MYO1B: variants seen among roughly 807,000 people sequenced by gnomAD.
MYO1B encodes unconventional myosin-Ib.
MYO1B carries 72 observed loss-of-function variants against 159.7 expected under a neutral mutation model. That is an observed-to-expected ratio of 0.45 (90% CI 0.37 to 0.55). The LOEUF (loss-of-function observed/expected upper bound fraction) is 0.55. Ranked by LOEUF, MYO1B falls within the 20% of genes least tolerant of loss-of-function variation. MYO1B has a pLI of 0.00. For missense variants in MYO1B, 1,062 were observed against 1,364.8 expected, an observed-to-expected ratio of 0.78 and a Z score of 3.50; for synonymous variants, 468 against 473.8, an observed-to-expected ratio of 0.99 and a Z score of 0.16.
At chr2:191,413,195 GAAGTTGAAAATATCAT>G (rs1006230402) in intron 27 of MYO1B, among the ~76,000 whole-genome samples, 16 of 152,308 alleles carry the variant, frequency 1.1e-4, no homozygotes, top group Admixed American at 6.5e-4. Flanking sequence ...TATGTCATAT[GAAGTTGAAAATATCAT>G]AAGTTGAAAA....
chr2:191,264,650 C>A (rs531894461), intron 1 of MYO1B, among the ~76,000 whole-genome samples: 2 of 152,124 alleles, frequency 1.3e-5, no homozygotes, highest in African/African-American at 4.8e-5. Context: ...TGGTTGCACT[C>A]TTAATATATT....
chr2:191,335,518 C>T (rs900609669), intron 4 of MYO1B, among the ~76,000 whole-genome samples: 2 of 152,036 alleles, frequency 1.3e-5, no homozygotes, highest in Non-Finnish European at 2.9e-5. Flanking sequence ...GTGGGGGTTT[C>T]ATCTCAGTTT....
intron 20 of MYO1B, 78 bp from the exon 21 acceptor site, chr2:191,396,351 C>CA: frequency 6.8e-7 from 1 of 1,471,278 alleles, no homozygotes; most frequent in South Asian, 1.1e-5. Flanking sequence ...ACGAAGTGAG[C>CA]AAATACCCTT....
intron 2 of MYO1B, among the ~76,000 whole-genome samples, chr2:191,287,265 C>T (rs6736071): frequency 0.53 from 80,539 of 151,822 alleles, 22,065 homozygotes; most frequent in East Asian, 0.66. Context: ...CGGTGGCTCA[C>T]GCCTGCAATC....
chr2:191,269,087 C>T (rs1360007345), intron 1 of MYO1B, among the ~76,000 whole-genome samples: 2 of 152,114 alleles, frequency 1.3e-5, no homozygotes, highest in Admixed American at 6.5e-5. Context: ...ACTGCTGTGC[C>T]GCCATCACCA....
At chr2:191,345,558 C>T (rs558803090) in intron 5 of MYO1B, among the ~76,000 whole-genome samples, 9 of 152,138 alleles carry the variant, frequency 5.9e-5, no homozygotes, top group Non-Finnish European at 1.2e-4. Flanking sequence ...GATTTGTCTC[C>T]AGGAAACAGC....
rs368679256 is a variant in MYO1B at position 191,424,335 on chromosome 2, A to ACT, written c.*378_*379dup. ...TTCATCAGATATTTATTCCATGCCT[A>ACT]CTCTATGCTAGGCACTGTGCTAGAT... On this transcript the variant is annotated 3_prime_UTR_variant, in exon 31 of 31. Transcript: ENST00000392318. The ACT allele has an allele frequency of 5.8e-3, 1,070 of 184,592 alleles. 9 individuals are homozygous for ACT. Among genetic ancestry groups the ACT allele is most frequent in the African/African-American group, 0.024 (1,028 of 42,578 alleles). The allele number at this position is 184,592 out of a possible 1,614,324, so 11.4% of individuals were successfully genotyped here. A position where few individuals can be genotyped will look rare whatever the true frequency, so the allele number is the denominator to read the frequency against.
intron 12 of MYO1B, 67 bp from the exon 13 acceptor site, chr2:191,370,160 T>G: frequency 2.0e-6 from 2 of 980,394 alleles, no homozygotes; most frequent in Non-Finnish European, 3.2e-6. Context: ...TATATCTATG[T>G]TCCTTGGATG....
intron 1 of MYO1B, among the ~76,000 whole-genome samples, chr2:191,251,566 C>T (rs1392871230): frequency 6.6e-6 from 1 of 152,190 alleles, no homozygotes; most frequent in Non-Finnish European, 1.5e-5. Flanking sequence ...CAGTCCAATT[C>T]TTCCTGGACT....
chr2:191,261,131 CTT>C (rs1264593833), intron 1 of MYO1B, among the ~76,000 whole-genome samples: 2 of 152,162 alleles, frequency 1.3e-5, no homozygotes, highest in Non-Finnish European at 2.9e-5. Flanking sequence ...GTAGTGTGCT[CTT>C]GAGTTTCTTT....
intron 2 of MYO1B, among the ~76,000 whole-genome samples, chr2:191,279,026 C>T (rs1176148594): frequency 1.3e-5 from 2 of 152,176 alleles, no homozygotes; most frequent in African/African-American, 4.8e-5. Flanking sequence ...AAACAATCAC[C>T]TTTTTAACAA....
chr2:191,249,901 A>G (rs1388465822), intron 1 of MYO1B, among the ~76,000 whole-genome samples: 2 of 152,194 alleles, frequency 1.3e-5, no homozygotes, highest in Admixed American at 6.5e-5. Flanking sequence ...CTAAACTCTA[A>G]CAGGTGAGCA....
At chr2:191,249,518 A>G (rs891195004) in intron 1 of MYO1B, among the ~76,000 whole-genome samples, 2 of 152,204 alleles carry the variant, frequency 1.3e-5, no homozygotes, top group Non-Finnish European at 2.9e-5. Flanking sequence ...TGAAAAGGGA[A>G]TAGCAGTGGT....
intron 4 of MYO1B, among the ~76,000 whole-genome samples, chr2:191,332,172 A>G (rs1320376535): frequency 6.6e-6 from 1 of 152,192 alleles, no homozygotes; most frequent in Non-Finnish European, 1.5e-5. Flanking sequence ...CATGTTGGCC[A>G]GGCTGGTCTT....
chr2:191,305,980 A>G (rs565279136), intron 3 of MYO1B, among the ~76,000 whole-genome samples: 2 of 152,324 alleles, frequency 1.3e-5, no homozygotes, highest in East Asian at 3.9e-4. Flanking sequence ...ACCGTGAGCC[A>G]TGTACTAGTG....
chr2:191,327,604 GT>G (rs942227310), intron 3 of MYO1B, among the ~76,000 whole-genome samples: 3 of 152,176 alleles, frequency 2.0e-5, no homozygotes, highest in Non-Finnish European at 4.4e-5. Context: ...TGTGTTCATT[GT>G]TTTCCACTAT....
At chr2:191,290,396 A>G (rs983316338) in intron 2 of MYO1B, among the ~76,000 whole-genome samples, 1 of 152,226 alleles carries the variant, frequency 6.6e-6, no homozygotes, top group Non-Finnish European at 1.5e-5. Context: ...GGGATCAACA[A>G]TTGAAGAAAG....
At chr2:191,416,382 C>A in intron 30 of MYO1B, 140 bp downstream of exon 30, 1 of 966,850 alleles carries the variant, frequency 1.0e-6, no homozygotes, top group Non-Finnish European at 1.6e-6. Context: ...GATAAATGGG[C>A]AGTGAATGAC....
chr2:191,383,473 T>TATATATATATATATATACACAC (rs1170563038), intron 15 of MYO1B, 131 bp downstream of exon 15: 17 of 119,838 alleles, frequency 1.4e-4, no homozygotes, highest in African/African-American at 6.1e-4. Context: ...TATATATATA[T>TATATATATATATATATACACAC]ACACACACAC....
Sources: gnomAD v4.1 joint callset for allele counts (sites outside exome capture counted in the v4.1 genomes callset) on GRCh38, gnomAD v4.1.1 for gene constraint, MANE v1.5 for transcripts, NCBI Gene and HGNC (gene_info 2026-07-23, HGNC 2026-07-21) for gene names.